The following GSK3B variants were observed in gnomAD, a reference collection of about 807,000 sequenced individuals.
GSK3B encodes glycogen synthase kinase-3 beta.
A neutral mutation model predicts 56.4 loss-of-function variants in GSK3B; 15 were observed. The ratio of observed to expected loss-of-function variants is 0.27; its 90% confidence interval spans 0.18 to 0.41. GSK3B has a LOEUF of 0.41. Among genes scored for constraint, GSK3B ranks in the 10% least tolerant of loss-of-function variants. The pLI, the probability that GSK3B is intolerant of heterozygous loss-of-function variation, is 1.00. For synonymous variants in GSK3B, 181 were observed against 188.9 expected (o/e 0.96, Z 0.34); for missense variants, 300 against 513.4 (o/e 0.58, Z 4.02).
chr3:119,822,409 T>A lies in GSK3B; in HGVS notation c.*4379A>T. ...GCAGATTTTCATACAACTATCTGTA[T>A]CTGCCTGTAGACAGATATAGTTAAG... On this transcript the variant is annotated 3_prime_UTR_variant, in exon 11 of 11. Transcript: ENST00000264235. 1 of 219,684 alleles carries A rather than the reference T, an allele frequency of 4.6e-6. No homozygotes were observed. Among genetic ancestry groups the A allele is most frequent in the East Asian group, 6.7e-5 (1 of 14,828 alleles). The allele number at this position is 219,684 out of a possible 1,614,324, so 13.6% of individuals were successfully genotyped here. A position where few individuals can be genotyped will look rare whatever the true frequency, so the allele number is the denominator to read the frequency against.
chr3:119,839,731 T>C (rs1490182274), intron 10 of GSK3B, among the ~76,000 whole-genome samples: 1 of 152,220 alleles, frequency 6.6e-6, no homozygotes, highest in African/African-American at 2.4e-5. Context: ...TTTTGCTTCT[T>C]GTTGATATGA....
intron 2 of GSK3B, among the ~76,000 whole-genome samples, chr3:119,961,979 G>A (rs1158665123): frequency 6.6e-6 from 1 of 152,220 alleles, no homozygotes; most frequent in Non-Finnish European, 1.5e-5. Flanking sequence ...ATGTACTACA[G>A]ATGAGGTGCA....
intron 2 of GSK3B, among the ~76,000 whole-genome samples, chr3:119,992,323 AAATTTAGCATAT>A (rs2057573289): frequency 6.6e-6 from 1 of 152,132 alleles, no homozygotes. Context: ...GTACATGTAG[AAATTTAGCATAT>A]AATAACAGTA....
intron 3 of GSK3B, among the ~76,000 whole-genome samples, chr3:119,934,560 T>C (rs1489171421): frequency 1.3e-5 from 2 of 152,240 alleles, no homozygotes; most frequent in Non-Finnish European, 2.9e-5. Context: ...TTCTTTCTTA[T>C]ACTTTGTAAA....
In GSK3B at chr3:119,823,825, T is replaced by C. The variant is rs1235604408; in HGVS notation, c.*2963A>G. 1.5e-5 allele frequency: 3 copies of C among 201,124 alleles called. No individual in the cohort carries two copies. Among genetic ancestry groups the C allele is most frequent in the South Asian group, 1.9e-4 (1 of 5,244 alleles). 12.5% of individuals were successfully genotyped at this position (201,124 alleles called of 1,614,324 possible). Reference sequence around the variant, plus strand: ...AACTTAACTGTGGAAGGGGCAAAGATACTGTTATGAGTGAGTTATTATTTC... The same window carrying C: ...AACTTAACTGTGGAAGGGGCAAAGACACTGTTATGAGTGAGTTATTATTTC... On this transcript the variant is annotated 3_prime_UTR_variant, in exon 11 of 11. Transcript: ENST00000264235.
intron 7 of GSK3B, among the ~76,000 whole-genome samples, chr3:119,884,702 A>G (rs1237140308): frequency 1.3e-5 from 2 of 152,180 alleles, no homozygotes; most frequent in Admixed American, 1.3e-4. Context: ...TGATTATACC[A>G]TAAAAAAGAA....
intron 9 of GSK3B, among the ~76,000 whole-genome samples, chr3:119,852,380 G>A (rs1350367194): frequency 2.0e-5 from 3 of 150,544 alleles, no homozygotes; most frequent in East Asian, 3.9e-4. Context: ...ACAGAGTCTC[G>A]CTCTGCTGCC....
intron 1 of GSK3B, among the ~76,000 whole-genome samples, chr3:120,033,509 C>CAA (rs1339516466): frequency 6.6e-6 from 1 of 152,262 alleles, no homozygotes; most frequent in East Asian, 1.9e-4. Context: ...TTATTCTAGC[C>CAA]ATCCTAATGA....
chr3:120,078,763 G>A (rs1486205767), intron 1 of GSK3B, among the ~76,000 whole-genome samples: 2 of 150,056 alleles, frequency 1.3e-5, no homozygotes, highest in African/African-American at 4.9e-5. Context: ...ATGTTAGCCA[G>A]GGTGGTCTCA....
chr3:119,998,472 G>A (rs2057645442), intron 2 of GSK3B, among the ~76,000 whole-genome samples: 1 of 152,198 alleles, frequency 6.6e-6, no homozygotes, highest in Admixed American at 6.5e-5. Flanking sequence ...CTGGTGAGAG[G>A]CCCTGGGCCA....
At chr3:119,900,470 AC>A (rs2056614116) in intron 7 of GSK3B, among the ~76,000 whole-genome samples, 1 of 152,036 alleles carries the variant, frequency 6.6e-6, no homozygotes, top group Non-Finnish European at 1.5e-5. Context: ...CAGAAATTAA[AC>A]TCTGGACTGA....
At chr3:119,947,120 C>A in intron 3 of GSK3B, 148 bp downstream of exon 3, 1 of 564,416 alleles carries the variant, frequency 1.8e-6, no homozygotes, top group South Asian at 2.5e-5. Context: ...TATCAATGAC[C>A]ATACCTTGGG....
chr3:119,886,342 T>C (rs533365748), intron 7 of GSK3B, among the ~76,000 whole-genome samples: 1 of 152,194 alleles, frequency 6.6e-6, no homozygotes, highest in East Asian at 1.9e-4. Flanking sequence ...CACAATGAGA[T>C]ATCATCTCAC....
chr3:119,936,329 A>ACACAGAT lies in GSK3B; in HGVS notation c.366+10938_366+10939insATCTGTG, dbSNP rs2056993452. 2.9e-5 allele frequency among the ~76,000 whole-genome samples: 4 copies of ACACAGAT among 138,438 alleles called. 2 individuals are homozygous for ACACAGAT. Among genetic ancestry groups the ACACAGAT allele is most frequent in the African/African-American group, 1.2e-4 (4 of 34,246 alleles). The allele number at this position is 138,438 out of a possible 152,430, so 90.8% of individuals were successfully genotyped here. Reference sequence around the variant, plus strand: ...TAAATATATATAAAAATATAAATATATATAAAAAATATATATATATATATA... The same window carrying ACACAGAT: ...TAAATATATATAAAAATATAAATATACACAGATTATAAAAAATATATATATATATATA... On this transcript the variant is annotated intron_variant, in intron 3 of 10. Transcript: ENST00000264235.
chr3:119,924,472 C>A (rs918661018), intron 3 of GSK3B, among the ~76,000 whole-genome samples: 1 of 152,110 alleles, frequency 6.6e-6, no homozygotes, highest in East Asian at 1.9e-4. Context: ...TATCAGTGGC[C>A]ACAGCAGAGG....
intron 2 of GSK3B, among the ~76,000 whole-genome samples, chr3:119,949,870 G>T (rs1284780896): frequency 6.7e-6 from 1 of 149,710 alleles, no homozygotes; most frequent in East Asian, 2.0e-4. Context: ...CAAGAGTTTC[G>T]TTTTTTATCT....
intron 1 of GSK3B, among the ~76,000 whole-genome samples, chr3:120,007,840 C>A (rs1289791636): frequency 6.6e-6 from 1 of 152,200 alleles, no homozygotes; most frequent in Non-Finnish European, 1.5e-5. Context: ...TGGAAGCATT[C>A]CCTTTGAAAA....
chr3:120,070,922 C>A (rs961748789), intron 1 of GSK3B, among the ~76,000 whole-genome samples: 1 of 152,184 alleles, frequency 6.6e-6, no homozygotes, highest in African/African-American at 2.4e-5. Context: ...CCTTTACCCA[C>A]CAGCAGGGAC....
At chr3:119,848,121 C>T (rs2055880548) in intron 9 of GSK3B, among the ~76,000 whole-genome samples, 1 of 152,218 alleles carries the variant, frequency 6.6e-6, no homozygotes, top group African/African-American at 2.4e-5. Flanking sequence ...GTCAACTGTA[C>T]TTACTTCTTT....
Sources: allele counts gnomAD v4.1 joint callset (sites outside exome capture counted in the v4.1 genomes callset), GRCh38; gene constraint gnomAD v4.1.1; transcripts MANE v1.5; gene names NCBI Gene and HGNC (gene_info 2026-07-23, HGNC 2026-07-21).